Variants in OXSR1 observed in about 807,000 individuals in gnomAD.
OXSR1 encodes serine/threonine-protein kinase OSR1.
A neutral mutation model predicts 79.8 loss-of-function variants in OXSR1; 24 were observed. That is an observed-to-expected ratio of 0.30 (90% CI 0.22 to 0.42). The LOEUF is 0.42. Among genes scored for constraint, OXSR1 ranks in the 10% least tolerant of loss-of-function variants. The pLI is 1.00. For missense variants in OXSR1, 430 were observed against 618.4 expected, an observed-to-expected ratio of 0.70 and a Z score of 3.23; for synonymous variants, 226 against 209.2, an observed-to-expected ratio of 1.08 and a Z score of -0.69.
At chr3:38,210,439 A>G (rs996910738) in intron 4 of OXSR1, among the ~76,000 whole-genome samples, 1 of 151,980 alleles carries the variant, frequency 6.6e-6, no homozygotes, top group Non-Finnish European at 1.5e-5. Flanking sequence ...GCATATTTCA[A>G]ATTGGTTACT....
At chr3:38,188,767 T>A (rs1701931278) in intron 2 of OXSR1, among the ~76,000 whole-genome samples, 2 of 152,174 alleles carry the variant, frequency 1.3e-5, no homozygotes, top group South Asian at 4.1e-4. Flanking sequence ...TGTTGCAGTG[T>A]TAATGCAGGA....
rs774133588 is a variant in OXSR1, at chr3:38,223,920, C to T, written c.702+7C>T. ...TAAATATCCACCAATGAAGGTGAGGCTTGTATTCCAAATACTACCCCAGCT... is the reference window on the plus strand; with the variant it reads ...TAAATATCCACCAATGAAGGTGAGGTTTGTATTCCAAATACTACCCCAGCT... On this transcript the variant is annotated splice_region_variant and intron_variant, in intron 7 of 17. Transcript: ENST00000311806. 10 of 1,552,880 alleles carry T rather than the reference C, an allele frequency of 6.4e-6. No individual in the cohort carries two copies. Among genetic ancestry groups the T allele is most frequent in the Non-Finnish European group, 8.9e-6 (10 of 1,129,784 alleles).
At chr3:38,226,185 C>T (rs894868125) in intron 8 of OXSR1, among the ~76,000 whole-genome samples, 4 of 151,926 alleles carry the variant, frequency 2.6e-5, no homozygotes, top group African/African-American at 9.7e-5. Flanking sequence ...GAACATAATG[C>T]CCCACTGTAA....
At chr3:38,166,697 A>G (rs2125796217) in intron 1 of OXSR1, among the ~76,000 whole-genome samples, 1 of 151,456 alleles carries the variant, frequency 6.6e-6, no homozygotes, top group African/African-American at 2.4e-5. Flanking sequence ...AGGCTGAGGC[A>G]GAAGAATCCT....
At chr3:38,247,795 A>G (rs1244843834) in intron 14 of OXSR1, 63 bp downstream of exon 14, 26 of 1,038,282 alleles carry the variant, frequency 2.5e-5, no homozygotes, top group Middle Eastern at 2.3e-4. Context: ...GTGCTGTAAT[A>G]GTCTGTGCCT....
chr3:38,221,780 G>C (rs1575350631), intron 6 of OXSR1, 93 bp downstream of exon 6: 2 of 689,498 alleles, frequency 2.9e-6, no homozygotes, highest in Non-Finnish European at 5.1e-6. Context: ...GGCATACCAG[G>C]TTAGCTTTGG....
chr3:38,175,540 A>G (rs1251872636), intron 1 of OXSR1, among the ~76,000 whole-genome samples: 1 of 152,192 alleles, frequency 6.6e-6, no homozygotes, highest in Non-Finnish European at 1.5e-5. Flanking sequence ...AGCTCAAGTG[A>G]TCTGCCTGCC....
chr3:38,254,616 G>A lies in OXSR1; in HGVS notation c.*1725G>A, dbSNP rs1334861047. On this transcript the variant is annotated 3_prime_UTR_variant, in exon 18 of 18. Transcript: ENST00000311806. ...TCTTTTTCTTTTTTTGTGGAGGGGG[G>A]ACGGAGAGGAACAAGGATGGGGAGG... 1 of 189,106 alleles carries A rather than the reference G, an allele frequency of 5.3e-6. No homozygotes were observed. The highest frequency in any genetic ancestry group is 1.1e-5 in the Non-Finnish European group (1 of 92,532). 11.7% of individuals were successfully genotyped at this position (189,106 alleles called of 1,614,324 possible).
At chr3:38,183,217 T>A in intron 2 of OXSR1, 102 bp downstream of exon 2, 1 of 514,378 alleles carries the variant, frequency 1.9e-6, no homozygotes. Context: ...TTTAAAAAAG[T>A]TTATGATTTC....
At chr3:38,176,812 T>C (rs1275950638) in intron 1 of OXSR1, among the ~76,000 whole-genome samples, 2 of 152,236 alleles carry the variant, frequency 1.3e-5, no homozygotes, top group Admixed American at 1.3e-4. Flanking sequence ...GTTTGGTGTA[T>C]TGTTATTAGT....
intron 3 of OXSR1, among the ~76,000 whole-genome samples, chr3:38,198,145 A>G (rs1464874061): frequency 6.6e-6 from 1 of 152,216 alleles, no homozygotes; most frequent in African/African-American, 2.4e-5. Context: ...TTGATAATAC[A>G]GCTGGACTGT....
At chr3:38,191,047 C>G (rs1014955538) in intron 3 of OXSR1, among the ~76,000 whole-genome samples, 2 of 151,986 alleles carry the variant, frequency 1.3e-5, no homozygotes, top group African/African-American at 2.4e-5. Flanking sequence ...CTGCTTAAAT[C>G]TCTCTTAATT....
chr3:38,251,553 A>G, intron 16 of OXSR1, 82 bp downstream of exon 16: 1 of 1,023,390 alleles, frequency 9.8e-7, no homozygotes, highest in Admixed American at 1.7e-5. Flanking sequence ...TTTTTATTCC[A>G]CTGAGTAGGT....
chr3:38,165,581 G>A lies in OXSR1; in HGVS notation c.-296G>A. The stretch of plus-strand genomic sequence containing the variant: ...GGTGGAGGGCGGGACAGAGGGGCTG[G>A]GCCCAGGCAAAGCTTCTGTCGCTGC... On this transcript the variant is annotated 5_prime_UTR_variant, in exon 1 of 18. Transcript: ENST00000311806. 1 of 421,770 alleles carries A rather than the reference G, an allele frequency of 2.4e-6. No homozygotes were observed. Among genetic ancestry groups the A allele is most frequent in the Non-Finnish European group, 4.2e-6 (1 of 236,212 alleles). 26.1% of individuals were successfully genotyped at this position (421,770 alleles called of 1,614,324 possible).
At chr3:38,221,226 A>G (rs183022119) in intron 5 of OXSR1, among the ~76,000 whole-genome samples, 5 of 152,030 alleles carry the variant, frequency 3.3e-5, no homozygotes, top group Admixed American at 3.3e-4. Flanking sequence ...ATCTGAGAAG[A>G]TGATGATATG....
chr3:38,243,616 C>T (rs1703079779), intron 12 of OXSR1, among the ~76,000 whole-genome samples: 1 of 152,188 alleles, frequency 6.6e-6, no homozygotes, highest in African/African-American at 2.4e-5. Flanking sequence ...TTTAACACAT[C>T]TCTTACTCTT....
chr3:38,174,828 G>A (rs573170022), intron 1 of OXSR1, among the ~76,000 whole-genome samples: 12 of 152,302 alleles, frequency 7.9e-5, no homozygotes, highest in South Asian at 4.1e-4. Flanking sequence ...GTTGCCATCC[G>A]CTCAGATGGG....
chr3:38,166,574 C>G (rs1192300779), intron 1 of OXSR1, among the ~76,000 whole-genome samples: 1 of 152,004 alleles, frequency 6.6e-6, no homozygotes, highest in Non-Finnish European at 1.5e-5. Flanking sequence ...GGGCGGATCA[C>G]GAGGTCGGGG....
At chr3:38,199,940 A>G (rs1702132934) in intron 4 of OXSR1, among the ~76,000 whole-genome samples, 1 of 152,172 alleles carries the variant, frequency 6.6e-6, no homozygotes. Flanking sequence ...TGGGGATGGA[A>G]GGCTCTTCCC....
Sources: gnomAD v4.1 joint callset for allele counts (sites outside exome capture counted in the v4.1 genomes callset) on GRCh38, gnomAD v4.1.1 for gene constraint, MANE v1.5 for transcripts, NCBI Gene and HGNC (gene_info 2026-07-23, HGNC 2026-07-21) for gene names.